The following CCDC51 variants were observed in gnomAD, a reference collection of about 807,000 sequenced individuals.
The protein encoded by CCDC51 is coiled-coil domain containing 51.
Under a neutral mutation model 24.8 loss-of-function variants are expected in CCDC51, and 25 were observed. The observed-to-expected ratio is 1.01, with a 90% CI of 0.73 to 1.41. CCDC51 has a LOEUF of 1.41. Ranked by LOEUF, CCDC51 falls within the 40% of genes most tolerant of loss-of-function variation. The probability of loss-of-function intolerance (pLI) is 0.00; values close to 1 mark genes in which losing one functional copy is unlikely to be tolerated. For missense variants in CCDC51, 466 were observed against 519.1 expected, an observed-to-expected ratio of 0.90 and a Z score of 0.99; for synonymous variants, 190 against 204.3, an observed-to-expected ratio of 0.93 and a Z score of 0.60.
Position 48,433,664 on chromosome 3 carries a change from G to A in CCDC51, c.477+43C>T, listed in dbSNP as rs1357975092. On this transcript the variant is annotated intron_variant, in intron 3 of 3. Coordinates refer to ENST00000395694, the MANE Select transcript of CCDC51 (RefSeq NM_001256964.2). The surrounding 1 kb of genome is among the most constrained non-coding windows in gnomAD (Gnocchi z 4.4). ...CCCCTCCATGATCTGCCAGGCTAGG[G>A]TCACTGTCCAGGTGCGAAAGGGCTG... is the stretch of plus-strand genomic sequence containing the variant. The A allele has an allele frequency of 1.9e-6, 3 of 1,588,144 alleles. No homozygotes were observed. Among genetic ancestry groups the A allele is most frequent in the African/African-American group, 1.3e-5 (1 of 74,468 alleles).
At chr3:48,439,849 A>G (rs1352504116) in intron 1 of CCDC51, 139 bp downstream of exon 1, 1 of 215,876 alleles carries the variant, frequency 4.6e-6, no homozygotes, top group East Asian at 1.1e-4. Context: ...TTCCAAAGCT[A>G]TAGGACCACG....
rs2107132198 is a variant in CCDC51 at position 48,435,025 on chromosome 3, G to A, written c.104C>T (p.Thr35Ile). ...LLGRDLFMTR[T>I]LCSPGPSQPG... ...CTGGCTTGGGCCTGGGCTGCAGAGA[G>A]TCCTGGTCATGAAGAGGTCCCTTCC... is the stretch of plus-strand genomic sequence containing the variant. The change falls in exon 2 of 4, where the codon ACT becomes ATT. Residue 35 changes from threonine to isoleucine, a missense_variant. By Grantham distance (89) the Thr-to-Ile change is moderately conservative. Coordinates refer to ENST00000395694, the MANE Select transcript of CCDC51 (RefSeq NM_001256964.2). The surrounding 1 kb of genome is among the most constrained non-coding windows in gnomAD (Gnocchi z 4.2). The A allele has an allele frequency of 6.2e-7, 1 of 1,614,192 alleles. No homozygotes were observed. The highest frequency in any genetic ancestry group is 2.2e-5 in the East Asian group (1 of 44,884).
At chr3:48,440,229 C>T, upstream of CCDC51, 2 of 1,546,178 alleles carry the variant, frequency 1.3e-6, no homozygotes, top group East Asian at 2.2e-5. Flanking sequence ...GCCTCGCTGT[C>T]TACGACAAAG....
upstream of CCDC51, chr3:48,440,535 C>A: frequency 3.1e-6 from 5 of 1,610,430 alleles, no homozygotes; most frequent in Non-Finnish European, 4.2e-6. Context: ...CTCTGCCTCT[C>A]CCCAGGAAGA....
Position 48,433,049 on chromosome 3 carries a change from T to C in CCDC51, c.595A>G (p.Arg199Gly). 6.2e-7 allele frequency: 1 copy of C among 1,614,200 alleles called. No homozygotes were observed. Among genetic ancestry groups the C allele is most frequent in the South Asian group, 1.1e-5 (1 of 91,086 alleles). The stretch of plus-strand genomic sequence containing the variant: ...CCAATGAGGGACCAGTTCTTGGTCC[T>C]CTCAGCCCTTGTGCGCTCCTTCTCA... ...SHEKERTRAE[R>G]TKNWSLIGSV... Residue 199 changes from arginine (R) to glycine (G), a missense_variant, in exon 4 of 4, where the codon AGG becomes GGG. By Grantham distance (125) the Arg-to-Gly change is moderately radical. Coordinates refer to ENST00000395694, the MANE Select transcript of CCDC51 (RefSeq NM_001256964.2). The surrounding 1 kb of genome is among the most constrained non-coding windows in gnomAD (Gnocchi z 4.4).
rs1308933816 is a variant in CCDC51, at chr3:48,432,934, G to GCC, written c.708_709dup (p.Ala237GlyfsTer7). 6.2e-7 allele frequency: 1 copy of GCC among 1,613,986 alleles called. No homozygotes were observed. The highest frequency in any genetic ancestry group is 8.5e-7 in the Non-Finnish European group (1 of 1,180,016). The stretch of plus-strand genomic sequence containing the variant: ...TTGGAGACTCACAGGCCCCTTCTGC[G>GCC]CCTCCAGGAGTAAAGCCTTCAGCTC... On this transcript the variant is annotated frameshift_variant, in exon 4 of 4. Coordinates refer to ENST00000395694, the MANE Select transcript of CCDC51 (RefSeq NM_001256964.2). LOFTEE classifies it high-confidence loss of function.
At chr3:48,440,667 C>T, upstream of CCDC51, 1 of 1,569,662 alleles carries the variant, frequency 6.4e-7, no homozygotes, top group Non-Finnish European at 8.7e-7. Context: ...TGGCCAAACG[C>T]TATGAGCACC....
upstream of CCDC51, chr3:48,440,333 A>AGGACTGCGG (rs749325191): frequency 1.4e-5 from 23 of 1,611,746 alleles, no homozygotes; most frequent in African/African-American, 2.1e-4. Context: ...CGGAACCGTG[A>AGGACTGCGG]GGACTGCGGG....
rs1435316168 is a variant in CCDC51, at chr3:48,437,576, G to C, written c.-9+2412C>G. On this transcript the variant is annotated intron_variant, in intron 1 of 3. Coordinates refer to ENST00000395694, the MANE Select transcript of CCDC51 (RefSeq NM_001256964.2). The surrounding 1 kb of genome is among the most constrained non-coding windows in gnomAD (Gnocchi z 4.2). ...TGGATGGAGAGGCTGGATAGGTGAA[G>C]CAGGGCCCTGAGGGTCAAGTTCGGA... Among the ~76,000 whole-genome samples the C allele has an allele frequency of 6.6e-6, 1 of 152,166 alleles. No individual in the cohort carries two copies. Among genetic ancestry groups the C allele is most frequent in the Non-Finnish European group, 1.5e-5 (1 of 68,030 alleles).
At chr3:48,443,500 C>T (rs1272454686), upstream of CCDC51, among the ~76,000 whole-genome samples, 2 of 150,756 alleles carry the variant, frequency 1.3e-5, no homozygotes, top group Admixed American at 6.6e-5. Context: ...TGCCACTGCA[C>T]TGCAGCCTGG....
Position 48,432,582 on chromosome 3 carries a change from G to C in CCDC51, c.1062C>G (p.Asp354Glu). The C allele has an allele frequency of 6.2e-7, 1 of 1,614,222 alleles. No homozygotes were observed. Among genetic ancestry groups the C allele is most frequent in the Non-Finnish European group, 8.5e-7 (1 of 1,180,034 alleles). Residue 354 changes from aspartate to glutamate, a missense_variant, in exon 4 of 4, where the codon GAC becomes GAG. Physicochemically the swap from Asp to Glu is conservative, Grantham distance 45. Coordinates refer to ENST00000395694, the MANE Select transcript of CCDC51 (RefSeq NM_001256964.2). ...AAHPGLVEPA[D>E]GAMPSFLLEQ... ...CCAGCAAGAAGCTGGGCATAGCCCC[G>C]TCTGCTGGTTCCACCAGGCCTGGGT... is the stretch of plus-strand genomic sequence containing the variant.
At chr3:48,440,227 G>C (rs545524605), upstream of CCDC51, 466 of 1,543,600 alleles carry the variant, frequency 3.0e-4, 4 homozygotes, top group South Asian at 5.4e-3. Flanking sequence ...CCGCCTCGCT[G>C]TCTACGACAA....
rs879028982 is a variant in CCDC51, at chr3:48,434,741, C to A, written c.312+76G>T. ...CTAAACACAAGTCTGGATGTGGCTA[C>A]CCAGCACCACGTGACTGGTTTGGCA... On this transcript the variant is annotated intron_variant, in intron 2 of 3. Coordinates refer to ENST00000395694, the MANE Select transcript of CCDC51 (RefSeq NM_001256964.2). 431 of 1,352,948 alleles carry A rather than the reference C, an allele frequency of 3.2e-4. No homozygotes were observed. The highest frequency in any genetic ancestry group is 4.9e-5 in the Non-Finnish European group (48 of 979,346). 83.8% of individuals were successfully genotyped at this position (1,352,948 alleles called of 1,614,324 possible).
At chr3:48,442,612 C>T (rs35215722), upstream of CCDC51, among the ~76,000 whole-genome samples, 1,354 of 151,262 alleles carry the variant, frequency 9.0e-3, 15 homozygotes, top group African/African-American at 0.031. Context: ...CCACCATGCC[C>T]GGCTAATTTT....
rs2039210757 is a variant in CCDC51, at chr3:48,432,652, C to T, written c.992G>A (p.Cys331Tyr). The change falls in exon 4 of 4, where the codon TGT becomes TAT. Residue 331 changes from cysteine to tyrosine, a missense_variant. Cys to Tyr is a radical substitution (Grantham distance 194). Coordinates refer to ENST00000395694, the MANE Select transcript of CCDC51 (RefSeq NM_001256964.2). ...CTGAACCACCCCAGCCATTTGGCTA[C>T]AAGTCTTTTCTAGGCCATCAAGCTG... ...REQLDGLEKTCSQMAGVVQLV... is the reference protein window; with the variant it reads ...REQLDGLEKTYSQMAGVVQLV... The T allele has an allele frequency of 6.2e-7, 1 of 1,614,248 alleles. No homozygotes were observed. Among genetic ancestry groups the T allele is most frequent in the Non-Finnish European group, 8.5e-7 (1 of 1,180,046 alleles).
chr3:48,437,173 C>A lies in CCDC51; in HGVS notation c.-8-2037G>T, dbSNP rs545423440. On this transcript the variant is annotated intron_variant, in intron 1 of 3. Coordinates refer to ENST00000395694, the MANE Select transcript of CCDC51 (RefSeq NM_001256964.2). The surrounding 1 kb of genome is among the most constrained non-coding windows in gnomAD (Gnocchi z 4.2). Reference sequence around the variant, plus strand: ...TCACCTCTCAGTAAGGCTTCCTTGACCACTCCCTCCCCAGCTACCTTCTCT... The same window carrying A: ...TCACCTCTCAGTAAGGCTTCCTTGAACACTCCCTCCCCAGCTACCTTCTCT... Among the ~76,000 whole-genome samples, 1 of 152,300 alleles carries A rather than the reference C, an allele frequency of 6.6e-6. No homozygotes were observed. Among genetic ancestry groups the A allele is most frequent in the African/African-American group, 2.4e-5 (1 of 41,568 alleles).
At chr3:48,445,340 T>G (rs528337750), upstream of CCDC51, among the ~76,000 whole-genome samples, 2 of 152,186 alleles carry the variant, frequency 1.3e-5, no homozygotes, top group African/African-American at 2.4e-5. Flanking sequence ...TATTGAAAAC[T>G]TTCATGATTA....
upstream of CCDC51, chr3:48,440,700 T>C: frequency 7.1e-7 from 1 of 1,401,146 alleles, no homozygotes; most frequent in South Asian, 1.2e-5. Context: ...GGCGCGGGCA[T>C]GTCTTTTTCC....
At position 48,435,116 on chromosome 3, in the gene CCDC51, T is replaced by C. The variant is rs768767858; in HGVS notation, c.13A>G (p.Ser5Gly). ...ATGTGCTGCATGGCAAACCCAGGGCTGCGCCCCATCATCCTGAGATCTGTG... is the reference window on the plus strand; with the variant it reads ...ATGTGCTGCATGGCAAACCCAGGGCCGCGCCCCATCATCCTGAGATCTGTG... MMGR[S>G]PGFAMQHIVG... is the part of the protein sequence containing the mutation. The change falls in exon 2 of 4, where the codon AGC (serine) becomes GGC (glycine). Residue 5 changes from serine (S) to glycine (G), a missense_variant. Transcript: ENST00000395694. This position sits in a 1 kb window ranked among gnomAD's most constrained non-coding sequence, Gnocchi z 4.2. 1 of 1,582,256 alleles carries C rather than the reference T, an allele frequency of 6.3e-7. No homozygotes were observed. The highest frequency in any genetic ancestry group is 8.6e-7 in the Non-Finnish European group (1 of 1,164,208).
Sources: gnomAD v4.1 joint callset for allele counts (sites outside exome capture counted in the v4.1 genomes callset) on GRCh38, gnomAD v4.1.1 for gene constraint, Gnocchi (gnomAD v3.1) non-coding constraint, MANE v1.5 for transcripts, NCBI Gene and HGNC (gene_info 2026-07-23, HGNC 2026-07-21) for gene names.